KYAT3: variants seen among roughly 807,000 people sequenced by gnomAD.
The protein encoded by KYAT3 is kynurenine aminotransferase 3.
Under a neutral mutation model 59.0 loss-of-function variants are expected in KYAT3, and 50 were observed. The ratio of observed to expected loss-of-function variants is 0.85; its 90% CI spans 0.68 to 1.07. KYAT3 has a LOEUF of 1.07. Ranked by LOEUF, KYAT3 falls within the 50% of genes least tolerant of loss-of-function variation. KYAT3 has a pLI of 0.00. For synonymous variants in KYAT3, 148 were observed against 177.0 expected, an observed-to-expected ratio of 0.84 and a Z score of 1.30; for missense variants, 497 against 533.3, an observed-to-expected ratio of 0.93 and a Z score of 0.67.
chr1:88,965,568 A>G (rs1420783917), intron 4 of KYAT3, among the ~76,000 whole-genome samples: 1 of 152,178 alleles, frequency 6.6e-6, no homozygotes, highest in Admixed American at 6.5e-5. Flanking sequence ...AAGTGAAGGG[A>G]TTATGAAGGT....
At chr1:88,959,051 G>A (rs980550444) in intron 8 of KYAT3, among the ~76,000 whole-genome samples, 1 of 152,150 alleles carries the variant, frequency 6.6e-6, no homozygotes, top group African/African-American at 2.4e-5. Context: ...GCCAGGGCAG[G>A]AGGATCGCTT....
At chr1:88,980,971 T>A (rs1431868438) in intron 2 of KYAT3, 1 of 152,200 alleles carries the variant, frequency 6.6e-6, no homozygotes, top group African/African-American at 2.4e-5. Context: ...GACAGTGCCA[T>A]AATTACAACA....
chr1:88,929,335 A>T, the KYAT3 span, among the ~76,000 whole-genome samples: 1 of 152,150 alleles, frequency 6.6e-6, no homozygotes, highest in Non-Finnish European at 1.5e-5. Context: ...AGCTGTACCT[A>T]ACCCTTATAC....
At chr1:88,969,655 C>CT (rs34051025) in intron 2 of KYAT3, among the ~76,000 whole-genome samples, 188 bp from the exon 3 acceptor site, 4,241 of 146,126 alleles carry the variant, frequency 0.029, 158 homozygotes, top group African/African-American at 0.082. Context: ...GAAGGAATGC[C>CT]TTTTTTTTTT....
Position 88,936,038 on chromosome 1 carries a change from G to T in KYAT3, c.*145C>A. ...AGATCCCCCGAAAATGTTGTTAGGA[G>T]TTGGGTTAACTGCTTTGGAAAAACA... is the stretch of plus-strand genomic sequence containing the variant. On this transcript the variant is annotated 3_prime_UTR_variant, in exon 14 of 14. Coordinates refer to ENST00000260508, the MANE Select transcript of KYAT3 (RefSeq NM_001008661.3). The T allele has an allele frequency of 1.8e-6, 1 of 562,970 alleles. No homozygotes were observed. 34.9% of individuals were successfully genotyped at this position (562,970 alleles called of 1,614,324 possible).
intron 4 of KYAT3, among the ~76,000 whole-genome samples, chr1:88,968,414 G>C (rs1676423665): frequency 6.6e-6 from 1 of 152,150 alleles, no homozygotes; most frequent in African/African-American, 2.4e-5. Flanking sequence ...TCCTTATCGT[G>C]TTGCCATAGG....
At chr1:88,989,364 A>C (rs1677649438) in intron 1 of KYAT3, among the ~76,000 whole-genome samples, 1 of 152,226 alleles carries the variant, frequency 6.6e-6, no homozygotes, top group Admixed American at 6.5e-5. Flanking sequence ...TTAAAGCAGA[A>C]TTCAATCTTA....
At chr1:88,951,639 AAAATATT>A (rs1177754784) in intron 10 of KYAT3, among the ~76,000 whole-genome samples, 2 of 151,048 alleles carry the variant, frequency 1.3e-5, no homozygotes, top group Non-Finnish European at 3.0e-5. Context: ...ATATATATTA[AAAATATT>A]AAATATTAAA....
At chr1:88,929,440 T>C in the KYAT3 span, among the ~76,000 whole-genome samples, 2 of 152,152 alleles carry the variant, frequency 1.3e-5, no homozygotes, top group Non-Finnish European at 2.9e-5. Context: ...GACTCTCAAT[T>C]CTTGTTTTCC....
At chr1:88,982,976 G>A (rs1677183651) in intron 2 of KYAT3, 1 of 1,613,506 alleles carries the variant, frequency 6.2e-7, no homozygotes, top group South Asian at 1.1e-5. Context: ...ACTCTCATAT[G>A]AATCTCTGTA....
chr1:88,965,106 T>A, intron 4 of KYAT3, 128 bp from the exon 5 acceptor site: 1 of 657,442 alleles, frequency 1.5e-6, no homozygotes, highest in Non-Finnish European at 2.5e-6. Flanking sequence ...CCCAAGAAAA[T>A]TTATATTTTT....
At chr1:88,962,988 C>CTT (rs397956625) in intron 5 of KYAT3, among the ~76,000 whole-genome samples, 67 of 144,704 alleles carry the variant, frequency 4.6e-4, no homozygotes, top group South Asian at 1.3e-3. Flanking sequence ...TCCTCTCTCT[C>CTT]TTTTTTTTTT....
intron 2 of KYAT3, among the ~76,000 whole-genome samples, chr1:88,974,837 TAGCACTCTGTAAAATGGACCAATC>T (rs1376449091): frequency 1.1e-3 from 174 of 152,180 alleles, no homozygotes; most frequent in African/African-American, 3.8e-3. Context: ...ACACACCAAT[TAGCACTCTGTAAAATGGACCAATC>T]AGCACTCTGT....
chr1:88,977,664 T>C (rs1676852987), intron 2 of KYAT3, among the ~76,000 whole-genome samples: 1 of 152,224 alleles, frequency 6.6e-6, no homozygotes, highest in African/African-American at 2.4e-5. Flanking sequence ...AAATTTAGTA[T>C]AGCATAAGTA....
chr1:88,968,548 T>C (rs930057522), intron 4 of KYAT3, 122 bp downstream of exon 4: 6 of 725,978 alleles, frequency 8.3e-6, no homozygotes, highest in Non-Finnish European at 1.3e-5. Flanking sequence ...GTTGCTAGGA[T>C]GGGACAGCTG....
intron 8 of KYAT3, among the ~76,000 whole-genome samples, chr1:88,958,556 G>A (rs539834047): frequency 6.6e-6 from 1 of 152,210 alleles, no homozygotes; most frequent in African/African-American, 2.4e-5. Flanking sequence ...TCAATGTTAA[G>A]TTTTCTACCA....
the KYAT3 span, among the ~76,000 whole-genome samples, chr1:88,929,360 T>A: frequency 1.3e-5 from 2 of 152,190 alleles, no homozygotes; most frequent in Non-Finnish European, 2.9e-5. Flanking sequence ...CTTTCCCAAA[T>A]GCCAGAGGAA....
chr1:88,972,020 T>C (rs1676574288), intron 2 of KYAT3, among the ~76,000 whole-genome samples: 1 of 152,184 alleles, frequency 6.6e-6, no homozygotes, highest in African/African-American at 2.4e-5. Flanking sequence ...TACTTCTAAA[T>C]AAAGAATGAA....
chr1:88,928,705 C>T, the KYAT3 span, among the ~76,000 whole-genome samples: 2 of 152,154 alleles, frequency 1.3e-5, no homozygotes, highest in Non-Finnish European at 2.9e-5. Flanking sequence ...CACAGAGCCC[C>T]AGGTATGCTA....
Sources: gnomAD v4.1 joint callset for allele counts (sites outside exome capture counted in the v4.1 genomes callset) on GRCh38, gnomAD v4.1.1 for gene constraint, MANE v1.5 for transcripts, NCBI Gene and HGNC (gene_info 2026-07-23, HGNC 2026-07-21) for gene names.